Variants in NFS1 observed in about 807,000 individuals in gnomAD.
The protein encoded by NFS1 is cysteine desulfurase.
A neutral mutation model predicts 57.3 loss-of-function variants in NFS1; 26 were observed. The observed-to-expected ratio is 0.45, with a 90% CI of 0.33 to 0.63. The LOEUF (loss-of-function observed/expected upper bound fraction) is 0.63, where lower values mean the gene tolerates loss of function less well. Ranked by LOEUF, NFS1 falls within the 20% of genes least tolerant of loss-of-function variation. The probability of loss-of-function intolerance (pLI) is 0.02; values close to 1 mark genes in which losing one functional copy is unlikely to be tolerated. For missense variants in NFS1, 505 were observed against 605.8 expected, an observed-to-expected ratio of 0.83 and a Z score of 1.75; for synonymous variants, 209 against 216.3, an observed-to-expected ratio of 0.97 and a Z score of 0.30.
intron 5 of NFS1, among the ~76,000 whole-genome samples, chr20:35,688,579 A>G (rs1186532275): frequency 6.6e-6 from 1 of 152,022 alleles, no homozygotes; most frequent in African/African-American, 2.4e-5. Flanking sequence ...AAAAATAAAA[A>G]TTTAGCCAGG....
At chr20:35,698,428 C>T (rs2035178810) in intron 2 of NFS1, 53 bp downstream of exon 2, 3 of 1,298,940 alleles carry the variant, frequency 2.3e-6, no homozygotes, top group Non-Finnish European at 3.2e-6. Flanking sequence ...TTTGCGTGAT[C>T]ACGCCCATCA....
rs1350405366 is a variant in NFS1, at chr20:35,668,447, A to C, written c.*1175T>G. ...GGTAACTACCCACCTATGGGTTCAG[A>C]CCCACAAATGAAAAGCTCTAGTTAC... On this transcript the variant is annotated 3_prime_UTR_variant, in exon 13 of 13. Transcript: ENST00000374092. 6.6e-6 allele frequency: 1 copy of C among 152,208 alleles called. No individual in the cohort carries two copies. The highest frequency in any genetic ancestry group is 1.5e-5 in the Non-Finnish European group (1 of 68,042). The allele number at this position is 152,208 out of a possible 1,614,324, so 9.4% of individuals were successfully genotyped here.
Position 35,680,747 on chromosome 20 carries a change from G to A in NFS1, c.780C>T (p.Tyr260=), listed in dbSNP as rs373163733. 9.7e-6 allele frequency: 15 copies of A among 1,550,542 alleles called. No homozygotes were observed. The highest frequency in any genetic ancestry group is 7.4e-5 in the East Asian group (3 of 40,316). ...DLMSISGHKI[Y]GPKGVGAIYI... ...AGAAGGGGCTGGTACCTTTGGGACCGTAGATTTTGTGACCACTAATGCTCA... is the reference window on the plus strand; with the variant it reads ...AGAAGGGGCTGGTACCTTTGGGACCATAGATTTTGTGACCACTAATGCTCA... Residue 260 remains tyrosine (Y), a synonymous_variant, in exon 7 of 13, where the codon TAC becomes TAT. Coordinates refer to ENST00000374092, the MANE Select transcript of NFS1 (RefSeq NM_021100.5).
chr20:35,694,200 G>A (rs905220382), intron 4 of NFS1, among the ~76,000 whole-genome samples: 13 of 149,996 alleles, frequency 8.7e-5, no homozygotes, highest in South Asian at 2.1e-4. Context: ...GTGCAATGGC[G>A]CAATCTCGGC....
intron 5 of NFS1, among the ~76,000 whole-genome samples, chr20:35,682,453 C>T (rs1259984683): frequency 1.3e-5 from 2 of 152,138 alleles, no homozygotes; most frequent in Non-Finnish European, 2.9e-5. Context: ...TACTGGCACA[C>T]GCAGCAGTGA....
chr20:35,677,529 G>C (rs1262972751), intron 7 of NFS1, among the ~76,000 whole-genome samples: 1 of 152,050 alleles, frequency 6.6e-6, no homozygotes, highest in African/African-American at 2.4e-5. Flanking sequence ...AACAGACTGA[G>C]ACCTTGACTC....
intron 7 of NFS1, among the ~76,000 whole-genome samples, chr20:35,679,554 T>TACCC (rs2034813217): frequency 1.3e-5 from 2 of 152,206 alleles, no homozygotes; most frequent in Non-Finnish European, 2.9e-5. Flanking sequence ...CAGCCTGAGT[T>TACCC]CATTGGTTTT....
At chr20:35,682,020 AC>A (rs1175123008) in intron 5 of NFS1, 39 bp from the exon 6 acceptor site, 3 of 1,209,288 alleles carry the variant, frequency 2.5e-6, no homozygotes, top group Non-Finnish European at 3.7e-6. Context: ...GATAGTACAA[AC>A]AAAGTCCTCC....
In NFS1 at chr20:35,690,869, G is replaced by A. The variant is rs1601533030; in HGVS notation, c.409-304C>T. 2.0e-5 allele frequency among the ~76,000 whole-genome samples: 3 copies of A among 152,064 alleles called. No homozygotes were observed. The South Asian group carries it at 6.2e-4, about 32-fold the overall frequency. On this transcript the variant is annotated intron_variant, in intron 4 of 12. Coordinates refer to ENST00000374092, the MANE Select transcript of NFS1 (RefSeq NM_021100.5). ...ACAAATTCAGGGCTTCCCGAAGCCC[G>A]GTCAAGTTCAATAATTCACTAGAAT...
At chr20:35,696,231 A>G in intron 4 of NFS1, 146 bp downstream of exon 4, 1 of 679,520 alleles carries the variant, frequency 1.5e-6, no homozygotes, top group Non-Finnish European at 2.7e-6. Context: ...TAAAGGAAGC[A>G]ACAAATCAGA....
At chr20:35,676,763 A>G (rs2034754032) in intron 7 of NFS1, among the ~76,000 whole-genome samples, 1 of 141,772 alleles carries the variant, frequency 7.1e-6, no homozygotes, top group Middle Eastern at 3.6e-3. Context: ...AATCAGAAAA[A>G]AAAAAAAAAA....
At chr20:35,687,994 A>C (rs891343866) in intron 5 of NFS1, among the ~76,000 whole-genome samples, 1 of 152,318 alleles carries the variant, frequency 6.6e-6, no homozygotes, top group Middle Eastern at 3.4e-3. Flanking sequence ...CTATAATCTC[A>C]GCACTTTGGG....
At position 35,668,124 on chromosome 20, in the gene NFS1, TTCAG is replaced by T. The variant is rs1343936844; in HGVS notation, c.*1494_*1497del. On this transcript the variant is annotated 3_prime_UTR_variant, in exon 13 of 13. Coordinates refer to ENST00000374092, the MANE Select transcript of NFS1 (RefSeq NM_021100.5). ...TACAACTCTACTATCTTTGCAACTTTTCAGTAAATCTAAAATTATTCTAAGTAAA... is the reference window on the plus strand; with the variant it reads ...TACAACTCTACTATCTTTGCAACTTTTAAATCTAAAATTATTCTAAGTAAA... The T allele has an allele frequency of 1.3e-5, 2 of 152,194 alleles. No individual in the cohort carries two copies. Among genetic ancestry groups the T allele is most frequent in the African/African-American group, 4.8e-5 (2 of 41,446 alleles). The allele number at this position is 152,194 out of a possible 1,614,324, so 9.4% of individuals were successfully genotyped here.
intron 5 of NFS1, among the ~76,000 whole-genome samples, chr20:35,687,084 A>G (rs564892194): frequency 6.6e-6 from 1 of 152,336 alleles, no homozygotes; most frequent in Non-Finnish European, 1.5e-5. Flanking sequence ...TTTGCCAAGC[A>G]GACCATGGTC....
chr20:35,672,688 G>T, intron 12 of NFS1, 67 bp downstream of exon 12: 1 of 1,125,124 alleles, frequency 8.9e-7, no homozygotes, highest in Non-Finnish European at 1.3e-6. Context: ...TAAACACATA[G>T]CCTAAGGACA....
chr20:35,699,090 G>A lies in NFS1; in HGVS notation c.97+102C>T. 7.4e-7 allele frequency: 1 copy of A among 1,349,796 alleles called. No homozygotes were observed. Among genetic ancestry groups the A allele is most frequent in the Non-Finnish European group, 9.5e-7 (1 of 1,055,612 alleles). The allele number at this position is 1,349,796 out of a possible 1,614,324, so 83.6% of individuals were successfully genotyped here. A position where few individuals can be genotyped will look rare whatever the true frequency, so the allele number is the denominator to read the frequency against. On this transcript the variant is annotated intron_variant, in intron 1 of 12. Transcript: ENST00000374092. The surrounding 1 kb of genome is among the most constrained non-coding windows in gnomAD (Gnocchi z 4.4). ...TGTCATTTGAGAGAAGGGTCAGAGG[G>A]TCTGGGCAGCAGGGTGGACAGGAAG...
At chr20:35,692,921 G>C (rs2035069871) in intron 4 of NFS1, among the ~76,000 whole-genome samples, 1 of 151,640 alleles carries the variant, frequency 6.6e-6, no homozygotes, top group Non-Finnish European at 1.5e-5. Context: ...AGAATCGCTT[G>C]AACCCTGGAG....
chr20:35,674,234 C>A (rs1448829898), intron 10 of NFS1, 116 bp downstream of exon 10: 1 of 875,484 alleles, frequency 1.1e-6, no homozygotes, highest in East Asian at 2.4e-5. Context: ...ACAAAATGAC[C>A]TTTACCCTTA....
At position 35,668,802 on chromosome 20, in the gene NFS1, C is replaced by T. The variant is rs2034606455; in HGVS notation, c.*820G>A. On this transcript the variant is annotated 3_prime_UTR_variant, in exon 13 of 13. Coordinates refer to ENST00000374092, the MANE Select transcript of NFS1 (RefSeq NM_021100.5). ...CCTGTTAACCAGTGTATTCCTAATA[C>T]CCAGAACAAATCTGGCTCCTGGCAG... 6.6e-6 allele frequency: 1 copy of T among 152,126 alleles called. No homozygotes were observed. Among genetic ancestry groups the T allele is most frequent in the Non-Finnish European group, 1.5e-5 (1 of 68,040 alleles). The allele number at this position is 152,126 out of a possible 1,614,324, so 9.4% of individuals were successfully genotyped here.
Sources: gnomAD v4.1 joint callset for allele counts (sites outside exome capture counted in the v4.1 genomes callset) on GRCh38, gnomAD v4.1.1 for gene constraint, Gnocchi (gnomAD v3.1) non-coding constraint, MANE v1.5 for transcripts, NCBI Gene and HGNC (gene_info 2026-07-23, HGNC 2026-07-21) for gene names.